The following BICD2 variants were observed in gnomAD, a reference collection of about 807,000 sequenced individuals.
BICD2 encodes protein bicaudal D homolog 2.
A neutral mutation model predicts 72.9 loss-of-function variants in BICD2; 25 were observed. The observed-to-expected ratio is 0.34, with a 90% confidence interval of 0.25 to 0.48. The LOEUF is 0.48. Among genes scored for constraint, BICD2 ranks in the 20% least tolerant of loss-of-function variants. The pLI is 0.99. For missense variants in BICD2, 894 were observed against 1,175.2 expected, an observed-to-expected ratio of 0.76 and a Z score of 3.50; for synonymous variants, 501 against 516.1, an observed-to-expected ratio of 0.97 and a Z score of 0.40.
At chr9:92,752,097 G>A (rs924163629) in intron 1 of BICD2, among the ~76,000 whole-genome samples, 6 of 152,124 alleles carry the variant, frequency 3.9e-5, no homozygotes, top group Admixed American at 6.5e-5. Flanking sequence ...GAGCCACTGC[G>A]CCCAGCCACT....
chr9:92,757,902 G>A (rs1854293618), intron 1 of BICD2, among the ~76,000 whole-genome samples: 5 of 152,106 alleles, frequency 3.3e-5, no homozygotes. Context: ...CAAAGAAGGT[G>A]GCTTTAAAAA....
chr9:92,723,198 C>T (rs570404901), intron 2 of BICD2, among the ~76,000 whole-genome samples: 1 of 152,382 alleles, frequency 6.6e-6, no homozygotes, highest in East Asian at 1.9e-4. Context: ...GGTGCTGCAA[C>T]TGTTAAACAC....
At chr9:92,743,247 T>C (rs1169084602) in intron 1 of BICD2, among the ~76,000 whole-genome samples, 1 of 151,994 alleles carries the variant, frequency 6.6e-6, no homozygotes, top group African/African-American at 2.4e-5. Flanking sequence ...GACTGGAGTG[T>C]AGTGGTGAGA....
rs1219531733 is a variant in BICD2, at chr9:92,730,808, G to A, written c.241-1572C>T. On this transcript the variant is annotated intron_variant, in intron 1 of 6. Coordinates refer to ENST00000356884, the MANE Select transcript of BICD2 (RefSeq NM_001003800.2). ...ACACTCCTGCTGCGGATGCACAGATGTCTATGGCACCCACACTCCTGAGGA... is the reference window on the plus strand; with the variant it reads ...ACACTCCTGCTGCGGATGCACAGATATCTATGGCACCCACACTCCTGAGGA... Among the ~76,000 whole-genome samples the A allele has an allele frequency of 3.3e-5, 5 of 152,310 alleles. No homozygotes were observed. The East Asian group carries it at 9.6e-4, about 29-fold the overall frequency.
intron 1 of BICD2, among the ~76,000 whole-genome samples, chr9:92,752,953 G>A (rs766731056): frequency 9.2e-5 from 14 of 152,148 alleles, no homozygotes; most frequent in Non-Finnish European, 2.9e-5. Flanking sequence ...AATACAGTAT[G>A]GACAGGAAGA....
At chr9:92,725,536 C>G (rs975130297) in intron 2 of BICD2, among the ~76,000 whole-genome samples, 6 of 152,266 alleles carry the variant, frequency 3.9e-5, no homozygotes, top group Admixed American at 3.9e-4. Context: ...GCACCTTCTC[C>G]CAGTGAGCCT....
Position 92,720,236 on chromosome 9 carries a change from T to C in BICD2, c.1062+64A>G. 7 of 1,475,290 alleles carry C rather than the reference T, an allele frequency of 4.7e-6. No homozygotes were observed. The highest frequency in any genetic ancestry group is 5.5e-6 in the Non-Finnish European group (6 of 1,093,710). The allele number at this position is 1,475,290 out of a possible 1,614,324, so 91.4% of individuals were successfully genotyped here. ...CATCAGCAGAGTGTCAGGTAAGCAC[T>C]GCTCGGGGAGCCCTGCAGACCTGGA... On this transcript the variant is annotated intron_variant, in intron 4 of 6. Transcript: ENST00000356884. The surrounding 1 kb of genome is among the most constrained non-coding windows in gnomAD (Gnocchi z 5.4).
At chr9:92,740,434 G>T (rs977616369) in intron 1 of BICD2, among the ~76,000 whole-genome samples, 13 of 151,692 alleles carry the variant, frequency 8.6e-5, no homozygotes, top group Non-Finnish European at 1.5e-5. Flanking sequence ...ATTAGAGAAG[G>T]TATACAGAAC....
intron 1 of BICD2, among the ~76,000 whole-genome samples, chr9:92,751,806 A>ATTT (rs200906851): frequency 0.048 from 6,808 of 141,034 alleles, 213 homozygotes; most frequent in South Asian, 0.12. Context: ...CACTAACTGC[A>ATTT]TTTTTTTTTT....
chr9:92,721,646 AT>A (rs1433897369), intron 3 of BICD2, among the ~76,000 whole-genome samples: 9 of 152,254 alleles, frequency 5.9e-5, no homozygotes, highest in Admixed American at 5.9e-4. Context: ...GGAGGTGGGC[AT>A]GGAGCCCTCA....
At chr9:92,737,649 T>C (rs139563665) in intron 1 of BICD2, among the ~76,000 whole-genome samples, 16 of 152,290 alleles carry the variant, frequency 1.1e-4, no homozygotes, top group Admixed American at 3.9e-4. Context: ...ACAGTTACCT[T>C]TGCGGTTTTC....
chr9:92,748,080 G>A (rs1325280918), intron 1 of BICD2, among the ~76,000 whole-genome samples: 1 of 152,126 alleles, frequency 6.6e-6, no homozygotes, highest in Non-Finnish European at 1.5e-5. Context: ...GGTACAGGGT[G>A]GGCAGGCATT....
At chr9:92,727,456 A>G (rs561404364) in intron 2 of BICD2, among the ~76,000 whole-genome samples, 1 of 152,190 alleles carries the variant, frequency 6.6e-6, no homozygotes, top group African/African-American at 2.4e-5. Flanking sequence ...CCAGGACTAA[A>G]GATAAGGCCT....
At chr9:92,717,188 A>G (rs1056546198) in intron 6 of BICD2, among the ~76,000 whole-genome samples, 8 of 152,188 alleles carry the variant, frequency 5.3e-5, no homozygotes, top group African/African-American at 1.4e-4. Flanking sequence ...GTTGGCCCCA[A>G]GTTAAGTCCC....
Position 92,717,890 on chromosome 9 carries a change from A to T in BICD2, c.2165T>A (p.Val722Asp). The change falls in exon 6 of 7, where the codon GTT (valine) becomes GAT (aspartate). Residue 722 changes from valine to aspartate, a missense_variant. Physicochemically the swap from Val to Asp is radical, Grantham distance 152 (BLOSUM62 -3). Transcript: ENST00000356884. ...GCGCAGCTTCATCATGGTCTCGGTA[A>T]CCATGGCCTTCTCATTCTCATACTT... ...KSKYENEKAMVTETMMKLRNE... is the reference protein window; with the variant it reads ...KSKYENEKAMDTETMMKLRNE... 6.2e-7 allele frequency: 1 copy of T among 1,613,500 alleles called. No individual in the cohort carries two copies. Among genetic ancestry groups the T allele is most frequent in the Non-Finnish European group, 8.5e-7 (1 of 1,180,014 alleles).
chr9:92,739,978 G>C (rs911278811), intron 1 of BICD2, among the ~76,000 whole-genome samples: 1 of 152,200 alleles, frequency 6.6e-6, no homozygotes, highest in Non-Finnish European at 1.5e-5. Context: ...GGCCTATTAA[G>C]CTGACATAAA....
At chr9:92,751,733 A>G (rs1231125193) in intron 1 of BICD2, among the ~76,000 whole-genome samples, 1 of 152,106 alleles carries the variant, frequency 6.6e-6, no homozygotes, top group Non-Finnish European at 1.5e-5. Context: ...GTATGAACTC[A>G]TGGTTAACTA....
Position 92,718,526 on chromosome 9 carries a change from C to T in BICD2, c.2106+13G>A, listed in dbSNP as rs1197944684. ...TAGTAGGTGACATGTGCCCCTGCTGCCTGGCACCTCACCTGCTTGTTGGCC... is the reference window on the plus strand; with the variant it reads ...TAGTAGGTGACATGTGCCCCTGCTGTCTGGCACCTCACCTGCTTGTTGGCC... On this transcript the variant is annotated intron_variant, in intron 5 of 6. Coordinates refer to ENST00000356884, the MANE Select transcript of BICD2 (RefSeq NM_001003800.2). The T allele has an allele frequency of 1.9e-6, 3 of 1,597,290 alleles. No homozygotes were observed. The highest frequency in any genetic ancestry group is 2.6e-6 in the Non-Finnish European group (3 of 1,170,528).
chr9:92,715,195 G>C lies in BICD2; in HGVS notation c.2527C>G (p.Gln843Glu), dbSNP rs763836233. The C allele has an allele frequency of 6.2e-6, 10 of 1,609,430 alleles. No homozygotes were observed. In the South Asian group the frequency reaches 1.1e-4, roughly 18 times the overall value. The stretch of plus-strand genomic sequence containing the variant: ...CTGTGCTTCTCGCTGCAGAACACCT[G>C]GTTGGCCAGCCCGGTGCCCTCGGCC... ...DRAEGTGLAN[Q>E]VFCSEKHSIY... Residue 843 changes from glutamine to glutamate, a missense_variant, in exon 7 of 7, where the codon CAG becomes GAG. Around this residue, in one of 5 missense-constraint regions of BICD2, gnomAD observed 321 missense variants for 443.9 expected, o/e 0.72. Transcript: ENST00000356884.
Sources: gnomAD v4.1 joint callset for allele counts (sites outside exome capture counted in the v4.1 genomes callset) on GRCh38, gnomAD v4.1.1 for gene constraint, gnomAD v4.1.1 regional missense constraint, Gnocchi (gnomAD v3.1) non-coding constraint, MANE v1.5 for transcripts, NCBI Gene and HGNC (gene_info 2026-07-23, HGNC 2026-07-21) for gene names.